Variants in TLE4 observed in about 807,000 individuals in gnomAD.
TLE4 encodes transducin-like enhancer protein 4.
Under a neutral mutation model 92.8 loss-of-function variants are expected in TLE4, and 8 were observed. The observed-to-expected ratio is 0.09, with a 90% CI of 0.05 to 0.16. The LOEUF is 0.16. Among genes scored for constraint, TLE4 ranks in the 10% least tolerant of loss-of-function variants. The probability of loss-of-function intolerance (pLI) is 1.00; values close to 1 mark genes in which losing one functional copy is unlikely to be tolerated. For synonymous variants in TLE4, 371 were observed against 374.1 expected (o/e 0.99, Z 0.10); for missense variants, 675 against 997.6 (o/e 0.68, Z 4.36).
intron 13 of TLE4, 76 bp from the exon 14 acceptor site, chr9:79,709,547 A>C: frequency 1.5e-6 from 2 of 1,302,320 alleles, no homozygotes; most frequent in East Asian, 2.3e-5. Flanking sequence ...CAGGTTTTAG[A>C]ATAGATTTTG....
At chr9:79,662,536 A>G (rs1564732364) in intron 8 of TLE4, among the ~76,000 whole-genome samples, 1 of 152,184 alleles carries the variant, frequency 6.6e-6, no homozygotes, top group Non-Finnish European at 1.5e-5. Context: ...TGGAAATGCT[A>G]ATGTTTTGAG....
At chr9:79,604,663 A>G (rs1042780938) in intron 4 of TLE4, among the ~76,000 whole-genome samples, 4 of 152,160 alleles carry the variant, frequency 2.6e-5, no homozygotes, top group African/African-American at 9.7e-5. Flanking sequence ...GCCTCGCCTG[A>G]GAGGAAAGAC....
At chr9:79,619,587 A>C (rs562778054) in intron 5 of TLE4, among the ~76,000 whole-genome samples, 5 of 152,264 alleles carry the variant, frequency 3.3e-5, no homozygotes, top group African/African-American at 1.2e-4. Context: ...AGCATGGTTA[A>C]AATTGCAGAG....
intron 5 of TLE4, among the ~76,000 whole-genome samples, chr9:79,625,270 C>T (rs985277978): frequency 5.3e-5 from 8 of 151,864 alleles, no homozygotes; most frequent in Non-Finnish European, 1.2e-4. Flanking sequence ...CCGCCCGCCT[C>T]GGCCTCCCAA....
rs540598919 is a variant in TLE4, at chr9:79,704,123, C to CT, written c.610-652dup. Among the ~76,000 whole-genome samples, 1,149 of 150,808 alleles carry CT rather than the reference C, an allele frequency of 7.6e-3. 5 individuals are homozygous for CT. The highest frequency in any genetic ancestry group is 0.011 in the Non-Finnish European group (777 of 67,884). ...TATGCTTCCTTTCCCAACTTTCTTTCTTTTTTTTGAGACAGAGTTTCACTC... is the reference window on the plus strand; with the variant it reads ...TATGCTTCCTTTCCCAACTTTCTTTCTTTTTTTTTGAGACAGAGTTTCACTC... On this transcript the variant is annotated intron_variant, in intron 8 of 19. Transcript: ENST00000376552.
At chr9:79,630,561 G>A (rs1029607458) in intron 6 of TLE4, among the ~76,000 whole-genome samples, 4 of 152,134 alleles carry the variant, frequency 2.6e-5, no homozygotes, top group South Asian at 4.1e-4. Context: ...CTAGGGGAAC[G>A]TTATGGATCT....
chr9:79,717,965 G>T (rs1034822712), intron 14 of TLE4: 3 of 456,410 alleles, frequency 6.6e-6, no homozygotes, highest in South Asian at 4.6e-5. Flanking sequence ...GAGTCTGTTG[G>T]GGGAGACGCT....
chr9:79,677,598 T>C (rs2135125491), intron 8 of TLE4, among the ~76,000 whole-genome samples: 1 of 137,166 alleles, frequency 7.3e-6, no homozygotes, highest in East Asian at 2.2e-4. Flanking sequence ...CTTGTTATAG[T>C]TGTTTCTTCA....
intron 4 of TLE4, among the ~76,000 whole-genome samples, chr9:79,576,980 C>T (rs945290565): frequency 2.7e-5 from 4 of 150,194 alleles, no homozygotes; most frequent in Non-Finnish European, 5.9e-5. Flanking sequence ...TATATACATA[C>T]ATATATATAT....
chr9:79,686,857 TTATC>T (rs1588247870), intron 8 of TLE4, among the ~76,000 whole-genome samples: 1 of 152,358 alleles, frequency 6.6e-6, no homozygotes, highest in East Asian at 1.9e-4. Flanking sequence ...AGAGCGAAGT[TTATC>T]TGTCAGTTGT....
chr9:79,667,793 A>G (rs1021893982), intron 8 of TLE4, among the ~76,000 whole-genome samples: 1 of 152,134 alleles, frequency 6.6e-6, no homozygotes, highest in Non-Finnish European at 1.5e-5. Flanking sequence ...GCTAGTGAAA[A>G]TGCCAGGCAA....
intron 8 of TLE4, among the ~76,000 whole-genome samples, chr9:79,682,015 A>T (rs1340981208): frequency 6.6e-6 from 1 of 152,014 alleles, no homozygotes; most frequent in Non-Finnish European, 1.5e-5. Context: ...GTAACCTGTT[A>T]TTGTTAAGAT....
rs117667267 is a variant in TLE4 at position 79,674,136 on chromosome 9, A to G, written c.609+20061A>G. On this transcript the variant is annotated intron_variant, in intron 8 of 19. Coordinates refer to ENST00000376552, the MANE Select transcript of TLE4 (RefSeq NM_007005.6). ...GAAAACCACTAGAAGGCTGCTTAGT[A>G]TAGAGTGAAAACCATGTGCTTTGTA... 6.8e-4 allele frequency among the ~76,000 whole-genome samples: 103 copies of G among 152,306 alleles called. 1 individual carries two copies. The East Asian group carries it at 0.016, about 24-fold the overall frequency.
intron 14 of TLE4, among the ~76,000 whole-genome samples, chr9:79,712,550 A>G (rs2073585930): frequency 6.6e-6 from 1 of 152,250 alleles, no homozygotes; most frequent in African/African-American, 2.4e-5. Flanking sequence ...TTCTCCAGAA[A>G]GACTTATAAA....
At chr9:79,656,749 G>A (rs766078403) in intron 8 of TLE4, among the ~76,000 whole-genome samples, 17 of 152,288 alleles carry the variant, frequency 1.1e-4, no homozygotes, top group South Asian at 6.2e-4. Flanking sequence ...TTTTCTTGAC[G>A]TTACAGATTG....
intron 4 of TLE4, among the ~76,000 whole-genome samples, chr9:79,579,009 G>T (rs1237917750): frequency 6.6e-6 from 1 of 151,638 alleles, no homozygotes; most frequent in East Asian, 1.9e-4. Flanking sequence ...ATTGTCTCAA[G>T]TTCTAGCATA....
intron 8 of TLE4, among the ~76,000 whole-genome samples, chr9:79,685,284 CGTT>C (rs1217099100): frequency 3.3e-5 from 5 of 151,992 alleles, no homozygotes; most frequent in Non-Finnish European, 2.9e-5. Context: ...AAAACATGCC[CGTT>C]GTTCTTTAAA....
At chr9:79,625,509 A>G (rs1253174808) in intron 5 of TLE4, among the ~76,000 whole-genome samples, 1 of 152,038 alleles carries the variant, frequency 6.6e-6, no homozygotes, top group East Asian at 1.9e-4. Flanking sequence ...AACTGATATC[A>G]TTGTTGAGTA....
chr9:79,631,940 G>A (rs115493275), intron 6 of TLE4, among the ~76,000 whole-genome samples: 2,884 of 152,074 alleles, frequency 0.019, 99 homozygotes, highest in African/African-American at 0.063. Context: ...TGGATACATG[G>A]CCTCCAGTAA....
Sources: gnomAD v4.1 joint callset for allele counts (sites outside exome capture counted in the v4.1 genomes callset) on GRCh38, gnomAD v4.1.1 for gene constraint, MANE v1.5 for transcripts, NCBI Gene and HGNC (gene_info 2026-07-23, HGNC 2026-07-21) for gene names.